The following CNKSR3 variants were observed in gnomAD, a reference collection of about 807,000 sequenced individuals.
CNKSR3 encodes the protein connector enhancer of kinase suppressor of ras 3.
In CNKSR3, 36 loss-of-function variants were observed where a neutral mutation model predicts 67.7. That is an observed-to-expected ratio of 0.53 (90% CI 0.41 to 0.70). The LOEUF is 0.70. Among genes scored for constraint, CNKSR3 ranks in the 30% least tolerant of loss-of-function variants. CNKSR3 has a pLI of 0.00. For missense variants in CNKSR3, 630 were observed against 695.2 expected (o/e 0.91, Z 1.05); for synonymous variants, 281 against 271.4 (o/e 1.04, Z -0.35).
At chr6:154,410,880 C>G (rs775192190) in intron 11 of CNKSR3, 54 bp downstream of exon 11, 1 of 1,385,192 alleles carries the variant, frequency 7.2e-7, no homozygotes, top group African/African-American at 1.4e-5. Flanking sequence ...AGGCAGGGGG[C>G]GGGGAGGAGA....
intron 1 of CNKSR3, among the ~76,000 whole-genome samples, chr6:154,482,899 A>G (rs1409488984): frequency 6.6e-6 from 1 of 152,186 alleles, no homozygotes; most frequent in Admixed American, 6.5e-5. Context: ...GTTTAATCAG[A>G]GATGATTTTC....
intron 1 of CNKSR3, among the ~76,000 whole-genome samples, chr6:154,491,643 C>CT (rs766941823): frequency 1.3e-5 from 2 of 151,970 alleles, no homozygotes; most frequent in Non-Finnish European, 2.9e-5. Context: ...GAGCTATTTA[C>CT]TCATTTCCTG....
Position 154,405,155 on chromosome 6 carries a change from AG to A in CNKSR3, c.*1198del, listed in dbSNP as rs1390949073. 6.6e-6 allele frequency: 1 copy of A among 152,400 alleles called. No individual in the cohort carries two copies. The highest frequency in any genetic ancestry group is 1.5e-5 in the Non-Finnish European group (1 of 67,990). 9.4% of individuals were successfully genotyped at this position (152,400 alleles called of 1,614,324 possible). A position where few individuals can be genotyped will look rare whatever the true frequency, so the allele number is the denominator to read the frequency against. On this transcript the variant is annotated 3_prime_UTR_variant, in exon 13 of 13. Coordinates refer to ENST00000607772, the MANE Select transcript of CNKSR3 (RefSeq NM_173515.4). ...TCCATAAAATCCCAAAATGCTTGGG[AG>A]GGTTTATTTTGATTTTTTTTAACAA...
At chr6:154,496,092 C>T (rs954641406) in intron 1 of CNKSR3, among the ~76,000 whole-genome samples, 33 of 152,114 alleles carry the variant, frequency 2.2e-4, no homozygotes, top group Non-Finnish European at 1.3e-4. Context: ...CTATACATGA[C>T]GTTACCAGAA....
rs182590917 is a variant in CNKSR3 at position 154,446,968 on chromosome 6, C to T, written c.216+3127G>A. Among the ~76,000 whole-genome samples, 161 of 152,134 alleles carry T rather than the reference C, an allele frequency of 1.1e-3. 1 individual carries two copies. The highest frequency in any genetic ancestry group is 3.8e-3 in the African/African-American group (159 of 41,514). The stretch of plus-strand genomic sequence containing the variant: ...TACAGGCACCCGCTACCACACCCAG[C>T]TAATTTTTTGTATTTTTAGTAAAGA... On this transcript the variant is annotated intron_variant, in intron 2 of 12. Coordinates refer to ENST00000607772, the MANE Select transcript of CNKSR3 (RefSeq NM_173515.4).
chr6:154,429,169 G>A (rs990651426), intron 6 of CNKSR3, among the ~76,000 whole-genome samples: 9 of 152,156 alleles, frequency 5.9e-5, no homozygotes, highest in African/African-American at 1.7e-4. Flanking sequence ...ACTGTTACAA[G>A]ATGGGGAAAG....
At chr6:154,441,442 T>G in intron 3 of CNKSR3, 63 bp from the exon 4 acceptor site, 1 of 1,237,098 alleles carries the variant, frequency 8.1e-7, no homozygotes, top group South Asian at 1.2e-5. Context: ...TCCCACTGGA[T>G]GTTGGTAAGC....
intron 1 of CNKSR3, among the ~76,000 whole-genome samples, chr6:154,472,634 T>C (rs560782571): frequency 6.6e-6 from 1 of 152,272 alleles, no homozygotes; most frequent in Admixed American, 6.5e-5. Flanking sequence ...ACTGTTTTGG[T>C]CCACATCATG....
intron 6 of CNKSR3, among the ~76,000 whole-genome samples, chr6:154,429,619 T>G (rs569111659): frequency 1.3e-5 from 2 of 152,322 alleles, no homozygotes; most frequent in Non-Finnish European, 2.9e-5. Context: ...AATGTGGGCC[T>G]GTCAACAATT....
intron 1 of CNKSR3, among the ~76,000 whole-genome samples, chr6:154,485,344 T>C (rs1786646350): frequency 6.6e-6 from 1 of 152,228 alleles, no homozygotes; most frequent in South Asian, 2.1e-4. Flanking sequence ...GGAAAGGGGC[T>C]TCTTTGGCGC....
intron 9 of CNKSR3, among the ~76,000 whole-genome samples, chr6:154,415,685 A>G (rs1176768452): frequency 6.6e-6 from 1 of 152,250 alleles, no homozygotes; most frequent in Non-Finnish European, 1.5e-5. Flanking sequence ...CTGCTTTCCC[A>G]TAGAAAATAC....
At chr6:154,487,060 T>C (rs895456256) in intron 1 of CNKSR3, among the ~76,000 whole-genome samples, 65 of 151,700 alleles carry the variant, frequency 4.3e-4, no homozygotes, top group Admixed American at 2.8e-3. Context: ...TACAGGCACG[T>C]GCCACCACAC....
chr6:154,415,642 A>G (rs184360054), intron 9 of CNKSR3, among the ~76,000 whole-genome samples: 1 of 152,326 alleles, frequency 6.6e-6, no homozygotes, highest in East Asian at 1.9e-4. Flanking sequence ...TGTGAGAATT[A>G]AGTAAGGTAA....
At chr6:154,423,151 A>T (rs1469941927) in intron 7 of CNKSR3, among the ~76,000 whole-genome samples, 168 bp from the exon 8 acceptor site, 2 of 152,252 alleles carry the variant, frequency 1.3e-5, no homozygotes, top group African/African-American at 4.8e-5. Flanking sequence ...ATAGGACCTT[A>T]ACACATGAAT....
intron 1 of CNKSR3, among the ~76,000 whole-genome samples, chr6:154,462,007 G>A (rs1233587252): frequency 5.3e-5 from 8 of 152,334 alleles, no homozygotes; most frequent in Admixed American, 4.6e-4. Context: ...GGGGACAGCC[G>A]CCTGGGACAA....
intron 7 of CNKSR3, among the ~76,000 whole-genome samples, chr6:154,423,700 C>T (rs1032644463): frequency 2.6e-5 from 4 of 152,186 alleles, no homozygotes; most frequent in Admixed American, 6.5e-5. Flanking sequence ...TCTGTCATCT[C>T]GTTTCCTTAT....
intron 2 of CNKSR3, among the ~76,000 whole-genome samples, chr6:154,444,610 T>C (rs1785668525): frequency 6.6e-6 from 1 of 150,788 alleles, no homozygotes; most frequent in African/African-American, 2.5e-5. Flanking sequence ...AGAAACTTTT[T>C]TTTTTTTTTT....
At chr6:154,475,971 G>T (rs542343652) in intron 1 of CNKSR3, among the ~76,000 whole-genome samples, 4 of 152,050 alleles carry the variant, frequency 2.6e-5, no homozygotes, top group Non-Finnish European at 5.9e-5. Flanking sequence ...AAGGCTTGGG[G>T]GTGTTGTTTT....
intron 12 of CNKSR3, 83 bp from the exon 13 acceptor site, chr6:154,406,735 C>T (rs1355849233): frequency 8.0e-6 from 10 of 1,243,056 alleles, no homozygotes; most frequent in African/African-American, 1.5e-5. Flanking sequence ...TTTGGGAGGT[C>T]GAGGTGGGTG....
Sources: allele counts gnomAD v4.1 joint callset (sites outside exome capture counted in the v4.1 genomes callset), GRCh38; gene constraint gnomAD v4.1.1; transcripts MANE v1.5; gene names NCBI Gene and HGNC (gene_info 2026-07-23, HGNC 2026-07-21).